ATP6V1A: variants seen among roughly 807,000 people sequenced by gnomAD.
ATP6V1A encodes the protein ATPase H+ transporting V1 subunit A, also known as V-type proton ATPase catalytic subunit A.
In ATP6V1A, 18 loss-of-function variants were observed where a neutral mutation model predicts 70.1. The observed-to-expected ratio is 0.26, with a 90% CI of 0.18 to 0.38. The LOEUF is 0.38. Among genes scored for constraint, ATP6V1A ranks in the 10% least tolerant of loss-of-function variants. The pLI is 1.00. For missense variants in ATP6V1A, 424 were observed against 772.4 expected (o/e 0.55, Z 5.35); for synonymous variants, 232 against 253.8 (o/e 0.91, Z 0.82).
intron 4 of ATP6V1A, 129 bp downstream of exon 4, chr3:113,784,567 C>G: frequency 1.4e-6 from 2 of 1,405,964 alleles, no homozygotes; most frequent in Non-Finnish European, 1.9e-6. Flanking sequence ...TTTTTCTTAA[C>G]TCTACTTCAT....
At chr3:113,797,204 A>T (rs1479265664) in intron 11 of ATP6V1A, among the ~76,000 whole-genome samples, 16 of 137,574 alleles carry the variant, frequency 1.2e-4, no homozygotes, top group Middle Eastern at 5.1e-3. Context: ...CCCAAAGTGC[A>T]GGGATTACAA....
intron 1 of ATP6V1A, among the ~76,000 whole-genome samples, chr3:113,749,730 A>G (rs571858083): frequency 6.6e-6 from 1 of 152,346 alleles, no homozygotes; most frequent in South Asian, 2.1e-4. Flanking sequence ...AGTACCTGAT[A>G]GGTACTCAAT....
chr3:113,760,960 G>A (rs1020071074), intron 1 of ATP6V1A, among the ~76,000 whole-genome samples: 1 of 151,940 alleles, frequency 6.6e-6, no homozygotes, highest in Non-Finnish European at 1.5e-5. Context: ...TCAGCTATTC[G>A]GGAGGCGGAG....
chr3:113,805,133 A>G (rs1709260656), intron 13 of ATP6V1A, among the ~76,000 whole-genome samples: 3 of 152,198 alleles, frequency 2.0e-5, no homozygotes, highest in Admixed American at 6.5e-5. Context: ...AAGAATATAT[A>G]TCTTCTTCTA....
At chr3:113,762,471 G>C (rs1037004720) in intron 1 of ATP6V1A, among the ~76,000 whole-genome samples, 11 of 151,980 alleles carry the variant, frequency 7.2e-5, no homozygotes, top group African/African-American at 9.7e-5. Context: ...GGGAGGCTGA[G>C]GCAAGAGAAT....
At chr3:113,779,423 T>G (rs993041376) in intron 2 of ATP6V1A, among the ~76,000 whole-genome samples, 1 of 152,222 alleles carries the variant, frequency 6.6e-6, no homozygotes, top group Non-Finnish European at 1.5e-5. Context: ...GTATTTGTTT[T>G]GTTATTGAAT....
In ATP6V1A at chr3:113,809,626, G is replaced by T; in HGVS notation, c.*199G>T. 2 of 454,926 alleles carry T rather than the reference G, an allele frequency of 4.4e-6. No individual in the cohort carries two copies. The highest frequency in any genetic ancestry group is 4.1e-6 in the Non-Finnish European group (1 of 245,326). 28.2% of individuals were successfully genotyped at this position (454,926 alleles called of 1,614,324 possible). ...ATTCCTTTGTTCTAGTGTTGTGAAG[G>T]GCCTCCCTCTTCCTTTATCTGAAGT... is the stretch of plus-strand genomic sequence containing the variant. On this transcript the variant is annotated 3_prime_UTR_variant, in exon 15 of 15. Coordinates refer to ENST00000273398, the MANE Select transcript of ATP6V1A (RefSeq NM_001690.4).
intron 14 of ATP6V1A, among the ~76,000 whole-genome samples, chr3:113,806,563 A>G (rs972447756): frequency 6.6e-6 from 1 of 151,726 alleles, no homozygotes; most frequent in Admixed American, 6.6e-5. Flanking sequence ...GGTTCAAGCG[A>G]TTCTCCTGCC....
intron 8 of ATP6V1A, among the ~76,000 whole-genome samples, chr3:113,791,163 A>G (rs1709087954): frequency 6.6e-6 from 1 of 152,204 alleles, no homozygotes; most frequent in East Asian, 1.9e-4. Flanking sequence ...AAATATACCA[A>G]CTAGACATGT....
intron 1 of ATP6V1A, among the ~76,000 whole-genome samples, chr3:113,754,907 C>G (rs13070720): frequency 2.0e-5 from 3 of 152,018 alleles, no homozygotes; most frequent in Non-Finnish European, 4.4e-5. Context: ...AAAGCCTAGA[C>G]AGAAAATAGC....
At chr3:113,792,432 G>A (rs184057853) in intron 8 of ATP6V1A, among the ~76,000 whole-genome samples, 2 of 152,172 alleles carry the variant, frequency 1.3e-5, no homozygotes, top group Admixed American at 1.3e-4. Context: ...TGACCTCCTG[G>A]TCTCAAGGGA....
intron 1 of ATP6V1A, among the ~76,000 whole-genome samples, chr3:113,763,403 T>G (rs545471151): frequency 6.6e-6 from 1 of 152,252 alleles, no homozygotes; most frequent in Non-Finnish European, 1.5e-5. Context: ...TGTATTCTTA[T>G]AGAGTAGCTC....
chr3:113,800,618 AGATT>A (rs1709200489), intron 12 of ATP6V1A, among the ~76,000 whole-genome samples: 1 of 152,250 alleles, frequency 6.6e-6, no homozygotes, highest in Admixed American at 6.5e-5. Context: ...GAATCCAGAT[AGATT>A]CATAATTTAC....
intron 1 of ATP6V1A, among the ~76,000 whole-genome samples, chr3:113,767,172 A>C (rs9830975): frequency 3.3e-4 from 49 of 149,410 alleles, no homozygotes; most frequent in African/African-American, 1.0e-3. Flanking sequence ...GCGCATTGCA[A>C]CCTTAGCTTC....
intron 12 of ATP6V1A, among the ~76,000 whole-genome samples, chr3:113,799,861 A>C (rs527842455): frequency 2.6e-4 from 39 of 152,328 alleles, no homozygotes; most frequent in African/African-American, 9.4e-4. Context: ...AACCACTTTT[A>C]AACTAATAAA....
Position 113,809,341 on chromosome 3 carries a change from C to T in ATP6V1A, c.1768C>T (p.Leu590=). The T allele has an allele frequency of 6.2e-7, 1 of 1,612,606 alleles. No individual in the cohort carries two copies. The highest frequency in any genetic ancestry group is 8.5e-7 in the Non-Finnish European group (1 of 1,179,176). ...KLSSMKFKDP[L]KDGEAKIKSD... ...TTGTAATGTCTTCTTTCAGGATCCACTGAAAGATGGTGAGGCAAAGATCAA... is the reference window on the plus strand; with the variant it reads ...TTGTAATGTCTTCTTTCAGGATCCATTGAAAGATGGTGAGGCAAAGATCAA... Residue 590 remains leucine, a synonymous_variant, in exon 15 of 15, where the codon CTG becomes TTG. Coordinates refer to ENST00000273398, the MANE Select transcript of ATP6V1A (RefSeq NM_001690.4).
At chr3:113,762,510 G>A (rs905250217) in intron 1 of ATP6V1A, among the ~76,000 whole-genome samples, 5 of 152,084 alleles carry the variant, frequency 3.3e-5, no homozygotes, top group African/African-American at 1.2e-4. Context: ...GGAGGTTGCA[G>A]TGAGCCGAGA....
Position 113,770,216 on chromosome 3 carries a change from T to G in ATP6V1A, c.-13-8525T>G, listed in dbSNP as rs146372652. 9.1e-3 allele frequency among the ~76,000 whole-genome samples: 1,391 copies of G among 152,150 alleles called. 16 individuals carry two copies. Among genetic ancestry groups the G allele is most frequent in the African/African-American group, 0.03 (1,249 of 41,530 alleles). On this transcript the variant is annotated intron_variant, in intron 1 of 14. Transcript: ENST00000273398. ...GTTTTGCATCACCACACCTGGCTAA[T>G]TTTTGTATTTTTTGGTAGAGGCAGG...
intron 1 of ATP6V1A, among the ~76,000 whole-genome samples, chr3:113,760,406 T>G (rs996279157): frequency 1.3e-5 from 2 of 152,206 alleles, no homozygotes; most frequent in Non-Finnish European, 2.9e-5. Flanking sequence ...TTTATGAACC[T>G]TTGTCCTCTT....
Sources: gnomAD v4.1 joint callset for allele counts (sites outside exome capture counted in the v4.1 genomes callset) on GRCh38, gnomAD v4.1.1 for gene constraint, MANE v1.5 for transcripts, NCBI Gene and HGNC (gene_info 2026-07-23, HGNC 2026-07-21) for gene names.